Variants in TTC7A observed in about 807,000 individuals in gnomAD.
TTC7A encodes tetratricopeptide repeat protein 7A.
TTC7A carries 110 observed loss-of-function variants against 103.7 expected under a neutral mutation model. The observed-to-expected ratio is 1.06, with a 90% CI of 0.91 to 1.24. TTC7A has a LOEUF of 1.24. Ranked by LOEUF, TTC7A falls within the 50% of genes most tolerant of loss-of-function variation. The pLI is 0.00. For missense variants in TTC7A, 1,340 were observed against 1,116.3 expected, an observed-to-expected ratio of 1.20 and a Z score of -2.86; for synonymous variants, 521 against 467.9, an observed-to-expected ratio of 1.11 and a Z score of -1.47.
At chr2:47,017,548 A>G (rs1010031414) in intron 11 of TTC7A, among the ~76,000 whole-genome samples, 1 of 152,150 alleles carries the variant, frequency 6.6e-6, no homozygotes, top group Non-Finnish European at 1.5e-5. Flanking sequence ...AAAATAAAAT[A>G]ATCAAAACCT....
At chr2:46,927,355 ATTTT>A (rs60808815) in intron 2 of TTC7A, among the ~76,000 whole-genome samples, 2 of 132,872 alleles carry the variant, frequency 1.5e-5, no homozygotes, top group Admixed American at 1.5e-4. Flanking sequence ...AGAAAAAAAG[ATTTT>A]TTTTTTTTTT....
At chr2:46,963,771 A>G (rs924535197) in intron 3 of TTC7A, among the ~76,000 whole-genome samples, 3 of 152,204 alleles carry the variant, frequency 2.0e-5, no homozygotes, top group Non-Finnish European at 2.9e-5. Context: ...GGTCTTCCTC[A>G]GCAGCTCCAG....
intron 8 of TTC7A, among the ~76,000 whole-genome samples, chr2:46,998,324 T>G (rs892574413): frequency 2.6e-5 from 4 of 152,334 alleles, no homozygotes; most frequent in African/African-American, 7.2e-5. Context: ...ATCTGGCCTC[T>G]GTGGCTGGGA....
intron 8 of TTC7A, among the ~76,000 whole-genome samples, chr2:47,001,341 A>G (rs1676782170): frequency 6.6e-6 from 1 of 152,198 alleles, no homozygotes; most frequent in African/African-American, 2.4e-5. Flanking sequence ...AGGAGCCCCC[A>G]GGCAGCTAGA....
At chr2:47,002,942 T>C (rs961034595) in intron 8 of TTC7A, among the ~76,000 whole-genome samples, 6 of 152,168 alleles carry the variant, frequency 3.9e-5, no homozygotes, top group African/African-American at 1.4e-4. Context: ...CCTTCCTGGC[T>C]GCCTGCCTAT....
chr2:46,923,342 T>G (rs1288462682), intron 2 of TTC7A, among the ~76,000 whole-genome samples: 4 of 149,736 alleles, frequency 2.7e-5, no homozygotes, highest in Non-Finnish European at 5.9e-5. Context: ...GTCTTTCCAG[T>G]AAAGAGCTGT....
chr2:47,023,641 G>A (rs780509871), intron 13 of TTC7A, among the ~76,000 whole-genome samples, 176 bp downstream of exon 13: 30 of 152,252 alleles, frequency 2.0e-4, no homozygotes, highest in African/African-American at 3.1e-4. Context: ...GCAGGCAGCC[G>A]AGCCCTGCCT....
chr2:47,068,379 A>G (rs1684360612), intron 19 of TTC7A: 1 of 151,902 alleles, frequency 6.6e-6, no homozygotes, highest in Non-Finnish European at 1.5e-5. Context: ...CTCTGTGTTC[A>G]TTTCCGGAGC....
Position 47,007,519 on chromosome 2 carries a change from G to A in TTC7A, c.1287+795G>A, listed in dbSNP as rs1307097664. ...TAAATATCCAGAGCCCTTTCATGGG[G>A]CTGAGGGAATTCCTCGCCCCCCTGG... is the stretch of plus-strand genomic sequence containing the variant. On this transcript the variant is annotated intron_variant, in intron 10 of 19. Transcript: ENST00000319190. The surrounding 1 kb of genome is among the most constrained non-coding windows in gnomAD (Gnocchi z 4.9). Among the ~76,000 whole-genome samples the A allele has an allele frequency of 2.0e-5, 3 of 152,204 alleles. No individual in the cohort carries two copies. Among genetic ancestry groups the A allele is most frequent in the South Asian group, 2.1e-4 (1 of 4,830 alleles).
intron 14 of TTC7A, among the ~76,000 whole-genome samples, chr2:47,028,668 C>T (rs1680182563): frequency 6.6e-6 from 1 of 152,198 alleles, no homozygotes; most frequent in Non-Finnish European, 1.5e-5. Flanking sequence ...GGCCTCATCC[C>T]ATCTGTCCAG....
rs138538845 is a variant in TTC7A at position 46,973,925 on chromosome 2, T to C, written c.518-1048T>C. Among the ~76,000 whole-genome samples, 825 of 152,148 alleles carry C rather than the reference T, an allele frequency of 5.4e-3. 6 individuals are homozygous for C. Among genetic ancestry groups the C allele is most frequent in the Non-Finnish European group, 6.8e-3 (459 of 67,984 alleles). On this transcript the variant is annotated intron_variant, in intron 3 of 19. Coordinates refer to ENST00000319190, the MANE Select transcript of TTC7A (RefSeq NM_020458.4). ...GGGAGGTTTCCCCAAAACAAGAACGTTTTGGCAGCTGCTGAGAAATCCCCT... is the reference window on the plus strand; with the variant it reads ...GGGAGGTTTCCCCAAAACAAGAACGCTTTGGCAGCTGCTGAGAAATCCCCT...
intron 6 of TTC7A, 73 bp from the exon 7 acceptor site, chr2:46,994,284 A>T (rs1290855614): frequency 6.6e-7 from 1 of 1,522,738 alleles, no homozygotes; most frequent in African/African-American, 1.4e-5. Context: ...TGGGATGGGC[A>T]GAGGGCGTTC....
intron 13 of TTC7A, 86 bp downstream of exon 13, chr2:47,023,551 G>C: frequency 5.2e-6 from 7 of 1,343,076 alleles, no homozygotes; most frequent in Non-Finnish European, 6.4e-6. Flanking sequence ...CCTCTGATGT[G>C]GGCAGAACAA....
At chr2:47,067,243 C>CTAGACT (rs1684252847) in intron 19 of TTC7A, among the ~76,000 whole-genome samples, 1 of 152,268 alleles carries the variant, frequency 6.6e-6, no homozygotes, top group African/African-American at 2.4e-5. Flanking sequence ...GGATGATAAT[C>CTAGACT]TAGACTCTCT....
chr2:47,034,860 C>A (rs1680938166), intron 15 of TTC7A, among the ~76,000 whole-genome samples: 1 of 152,148 alleles, frequency 6.6e-6, no homozygotes, highest in East Asian at 1.9e-4. Flanking sequence ...CCCCGGAGAC[C>A]CTCCCCAGTA....
At chr2:46,957,116 C>A in intron 3 of TTC7A, 109 bp downstream of exon 3, 2 of 1,404,208 alleles carry the variant, frequency 1.4e-6, no homozygotes, top group Non-Finnish European at 2.0e-6. Flanking sequence ...CCTGGTAGTG[C>A]CCATGCCCTG....
At chr2:47,026,824 G>A (rs1406898768) in intron 14 of TTC7A, among the ~76,000 whole-genome samples, 2 of 152,196 alleles carry the variant, frequency 1.3e-5, no homozygotes, top group African/African-American at 2.4e-5. Context: ...TTGTAGCAGA[G>A]AAACTGCAGC....
At chr2:47,024,949 G>A (rs1679724238) in intron 14 of TTC7A, among the ~76,000 whole-genome samples, 1 of 152,218 alleles carries the variant, frequency 6.6e-6, no homozygotes, top group Admixed American at 6.5e-5. Flanking sequence ...GTCCTTCAGA[G>A]CCTCCTTTAC....
intron 19 of TTC7A, among the ~76,000 whole-genome samples, chr2:47,067,443 C>G (rs574505876): frequency 6.6e-6 from 1 of 152,334 alleles, no homozygotes; most frequent in South Asian, 2.1e-4. Context: ...GTCTTTGGCC[C>G]ACATTTCCTT....
Sources: allele counts gnomAD v4.1 joint callset (sites outside exome capture counted in the v4.1 genomes callset), GRCh38; gene constraint gnomAD v4.1.1; non-coding constraint Gnocchi (gnomAD v3.1); transcripts MANE v1.5; gene names NCBI Gene and HGNC (gene_info 2026-07-23, HGNC 2026-07-21).